FBXO25: variants seen among roughly 807,000 people sequenced by gnomAD.
FBXO25 encodes the protein F-box only protein 25.
In FBXO25, 45 loss-of-function variants were observed where a neutral mutation model predicts 51.9. The ratio of observed to expected loss-of-function variants is 0.87; its 90% CI spans 0.68 to 1.11. The LOEUF (loss-of-function observed/expected upper bound fraction) is 1.11. Ranked by LOEUF, FBXO25 falls within the 50% of genes most tolerant of loss-of-function variation. FBXO25 has a pLI of 0.00. For missense variants in FBXO25, 507 were observed against 428.5 expected (o/e 1.18, Z -1.62); for synonymous variants, 199 against 151.0 (o/e 1.32, Z -2.33).
intron 5 of FBXO25, among the ~76,000 whole-genome samples, chr8:441,742 A>C (rs1401345632): frequency 1.3e-5 from 2 of 152,252 alleles, no homozygotes; most frequent in African/African-American, 2.4e-5. Context: ...AAATTTATGC[A>C]GCCAACAAAC....
At chr8:448,707 A>C (rs1302821405) in intron 5 of FBXO25, among the ~76,000 whole-genome samples, 4 of 152,170 alleles carry the variant, frequency 2.6e-5, no homozygotes, top group Non-Finnish European at 4.4e-5. Context: ...CGGTGGTTAG[A>C]GGTTTGTTGA....
At chr8:434,548 A>G (rs900345126) in intron 4 of FBXO25, among the ~76,000 whole-genome samples, 9 of 152,314 alleles carry the variant, frequency 5.9e-5, no homozygotes, top group African/African-American at 1.9e-4. Context: ...GGCGCACAGA[A>G]GCACATGAGC....
At chr8:467,838 C>T (rs929080239) in intron 9 of FBXO25, 7 of 1,598,840 alleles carry the variant, frequency 4.4e-6, no homozygotes, top group Non-Finnish European at 6.0e-6. Context: ...CACTGCCCGG[C>T]TCGATTCCAG....
chr8:407,286 C>T (rs1234885236), intron 1 of FBXO25: 238 of 917,448 alleles, frequency 2.6e-4, no homozygotes, highest in Non-Finnish European at 3.0e-4. Flanking sequence ...CCGGGGGCCT[C>T]GGGCGCGTCA....
intron 5 of FBXO25, among the ~76,000 whole-genome samples, chr8:444,241 AT>A (rs1798603680): frequency 6.6e-6 from 1 of 152,192 alleles, no homozygotes; most frequent in South Asian, 2.1e-4. Context: ...TACTTTCTGT[AT>A]TTTGTAGTAA....
At chr8:448,790 G>A (rs1487653028) in intron 5 of FBXO25, among the ~76,000 whole-genome samples, 2 of 152,204 alleles carry the variant, frequency 1.3e-5, no homozygotes, top group Non-Finnish European at 2.9e-5. Context: ...GAGAGGGATG[G>A]AAGGAAGAAG....
At chr8:435,013 C>G (rs1269908254) in intron 4 of FBXO25, among the ~76,000 whole-genome samples, 2 of 152,188 alleles carry the variant, frequency 1.3e-5, no homozygotes, top group African/African-American at 4.8e-5. Flanking sequence ...TCAGCCCTCT[C>G]CATCCCAATG....
chr8:468,098 C>T (rs1028842750), intron 9 of FBXO25: 1 of 1,082,486 alleles, frequency 9.2e-7, no homozygotes, highest in African/African-American at 1.7e-5. Context: ...CTGCGTTCCT[C>T]CTAAGAGTCT....
Position 468,570 on chromosome 8 carries a change from C to T in FBXO25, c.988-145C>T, listed in dbSNP as rs1486859263. 10 of 612,224 alleles carry T rather than the reference C, an allele frequency of 1.6e-5. No homozygotes were observed. In the South Asian group the frequency reaches 1.9e-4, roughly 11 times the overall value. The allele number at this position is 612,224 out of a possible 1,614,324, so 37.9% of individuals were successfully genotyped here. On this transcript the variant is annotated intron_variant, in intron 9 of 9. Transcript: ENST00000350302. ...CGGCTGCGGCTGCCCTTGTGTTGGT[C>T]ATTCTCATCCAAGTTATCTCCCATG...
At position 477,514 on chromosome 8, in the gene FBXO25, A is replaced by C. The variant is rs935010386; in HGVS notation, c.*8710A>C. The stretch of plus-strand genomic sequence containing the variant: ...TTCAACATGAAGATGAAATTATAGG[A>C]TGTCTGGGATTTCCTTTGAATCCGT... On this transcript the variant is annotated 3_prime_UTR_variant, in exon 10 of 10. Coordinates refer to ENST00000350302, the MANE Select transcript of FBXO25 (RefSeq NM_183420.2). 6 of 152,222 alleles carry C rather than the reference A, an allele frequency of 3.9e-5. No individual in the cohort carries two copies. Among genetic ancestry groups the C allele is most frequent in the Non-Finnish European group, 7.3e-5 (5 of 68,032 alleles). The allele number at this position is 152,222 out of a possible 1,614,324, so 9.4% of individuals were successfully genotyped here. A position where few individuals can be genotyped will look rare whatever the true frequency, so the allele number is the denominator to read the frequency against.
chr8:409,110 A>C (rs1796338039), intron 1 of FBXO25, among the ~76,000 whole-genome samples: 1 of 152,198 alleles, frequency 6.6e-6, no homozygotes, highest in South Asian at 2.1e-4. Flanking sequence ...CAGAAGCCTC[A>C]GTTTGGGAGT....
Position 477,870 on chromosome 8 carries a change from C to T in FBXO25, c.*9066C>T, listed in dbSNP as rs1800688637. Reference sequence around the variant, plus strand: ...TCTTAACATTTGGGCTGTGCAAAAACAGCTGGTGGGCCCAATTTTGGCCTG... The same window carrying T: ...TCTTAACATTTGGGCTGTGCAAAAATAGCTGGTGGGCCCAATTTTGGCCTG... On this transcript the variant is annotated 3_prime_UTR_variant, in exon 10 of 10. Coordinates refer to ENST00000350302, the MANE Select transcript of FBXO25 (RefSeq NM_183420.2). 1 of 152,134 alleles carries T rather than the reference C, an allele frequency of 6.6e-6. No individual in the cohort carries two copies. The highest frequency in any genetic ancestry group is 2.4e-5 in the African/African-American group (1 of 41,428). 9.4% of individuals were successfully genotyped at this position (152,134 alleles called of 1,614,324 possible). A position where few individuals can be genotyped will look rare whatever the true frequency, so the allele number is the denominator to read the frequency against.
At chr8:419,270 G>C (rs1002371657) in intron 2 of FBXO25, among the ~76,000 whole-genome samples, 1 of 152,200 alleles carries the variant, frequency 6.6e-6, no homozygotes, top group African/African-American at 2.4e-5. Flanking sequence ...TCAGGAAGCT[G>C]AGTCATGAGA....
In FBXO25 at chr8:469,763, G is replaced by C. The variant is rs891784316; in HGVS notation, c.*959G>C. On this transcript the variant is annotated 3_prime_UTR_variant, in exon 10 of 10. Transcript: ENST00000350302. ...AAATCCCCTCAGCAGGCATAGGATA[G>C]AAACGTATTGTTGTATATTTCCATT... 5 of 152,192 alleles carry C rather than the reference G, an allele frequency of 3.3e-5. No homozygotes were observed. 9.4% of individuals were successfully genotyped at this position (152,192 alleles called of 1,614,324 possible).
rs1047600977 is a variant in FBXO25, at chr8:472,371, C to G, written c.*3567C>G. 2.0e-5 allele frequency: 3 copies of G among 152,208 alleles called. No individual in the cohort carries two copies. Among genetic ancestry groups the G allele is most frequent in the African/African-American group, 7.2e-5 (3 of 41,448 alleles). 9.4% of individuals were successfully genotyped at this position (152,208 alleles called of 1,614,324 possible). On this transcript the variant is annotated 3_prime_UTR_variant, in exon 10 of 10. Transcript: ENST00000350302. ...TTATTACATTGACTGATTTCTATAT[C>G]TTGAACCAACCTTGCATTCTTGGGT...
intron 8 of FBXO25, among the ~76,000 whole-genome samples, chr8:460,371 A>G (rs1221528782): frequency 6.6e-6 from 1 of 152,166 alleles, no homozygotes; most frequent in Non-Finnish European, 1.5e-5. Flanking sequence ...ATTTGTACAC[A>G]TTTTCTTAAC....
chr8:421,009 C>T (rs747324794), intron 2 of FBXO25, among the ~76,000 whole-genome samples: 2 of 152,242 alleles, frequency 1.3e-5, no homozygotes, highest in Non-Finnish European at 2.9e-5. Context: ...ATCCAGGGGT[C>T]CCCAACCCCT....
chr8:467,588 A>T, intron 9 of FBXO25: 1 of 906,358 alleles, frequency 1.1e-6, no homozygotes, highest in Non-Finnish European at 1.7e-6. Context: ...TGATGTTTTT[A>T]GTTATTTTCG....
intron 5 of FBXO25, among the ~76,000 whole-genome samples, chr8:436,679 G>A (rs1383968988): frequency 6.6e-6 from 1 of 152,116 alleles, no homozygotes; most frequent in South Asian, 2.1e-4. Context: ...TCTTATAGAT[G>A]ATGAAATGCA....
Sources: allele counts gnomAD v4.1 joint callset (sites outside exome capture counted in the v4.1 genomes callset), GRCh38; gene constraint gnomAD v4.1.1; transcripts MANE v1.5; gene names NCBI Gene and HGNC (gene_info 2026-07-23, HGNC 2026-07-21).